Variants in CLOCK observed in about 807,000 individuals in gnomAD.
The protein encoded by CLOCK is clock circadian regulator.
CLOCK carries 43 observed loss-of-function variants against 118.4 expected under a neutral mutation model. The observed-to-expected ratio is 0.36, with a 90% CI of 0.28 to 0.47. The LOEUF is 0.47. Ranked by LOEUF, CLOCK falls within the 20% of genes least tolerant of loss-of-function variation. CLOCK has a pLI of 1.00. For synonymous variants in CLOCK, 326 were observed against 339.2 expected, an observed-to-expected ratio of 0.96 and a Z score of 0.43; for missense variants, 846 against 999.9, an observed-to-expected ratio of 0.85 and a Z score of 2.08.
At chr4:55,438,592 TA>T (rs2109649712) in intron 21 of CLOCK, 55 bp from the exon 22 acceptor site, 2 of 1,610,882 alleles carry the variant, frequency 1.2e-6, no homozygotes, top group Non-Finnish European at 8.5e-7. Context: ...GTATACATCA[TA>T]AAACGCAGTG....
chr4:55,442,261 A>T, intron 21 of CLOCK, 171 bp downstream of exon 21: 1 of 634,470 alleles, frequency 1.6e-6, no homozygotes, highest in Non-Finnish European at 2.7e-6. Context: ...TTAATTATGA[A>T]GTCTTTAAAC....
At chr4:55,511,264 A>C (rs745961466) in intron 1 of CLOCK, among the ~76,000 whole-genome samples, 1 of 147,984 alleles carries the variant, frequency 6.8e-6, no homozygotes, top group Non-Finnish European at 1.5e-5. Flanking sequence ...ACTATCAAGC[A>C]AGTGCTTTCA....
At chr4:55,463,660 T>G (rs779502693) in intron 9 of CLOCK, 25 bp downstream of exon 9, 1 of 1,612,242 alleles carries the variant, frequency 6.2e-7, no homozygotes, top group Non-Finnish European at 8.5e-7. Flanking sequence ...ACATTTGACT[T>G]TTTTGCTTAA....
chr4:55,527,399 C>T (rs1283051939), intron 1 of CLOCK, among the ~76,000 whole-genome samples: 1 of 152,018 alleles, frequency 6.6e-6, no homozygotes, highest in African/African-American at 2.4e-5. Flanking sequence ...GTTTGGGGCA[C>T]ATTTTGCTTT....
chr4:55,429,184 T>C lies in CLOCK; in HGVS notation c.*6231A>G, dbSNP rs1722363741. 6.6e-6 allele frequency: 1 copy of C among 152,196 alleles called. No homozygotes were observed. Among genetic ancestry groups the C allele is most frequent in the South Asian group, 2.1e-4 (1 of 4,830 alleles). 9.4% of individuals were successfully genotyped at this position (152,196 alleles called of 1,614,324 possible). On this transcript the variant is annotated 3_prime_UTR_variant, in exon 23 of 23. Coordinates refer to ENST00000513440, the MANE Select transcript of CLOCK (RefSeq NM_004898.4). ...ATTTGAATGTCATTTTTAAAAGCGA[T>C]GTCACAGTTTGTTTCCTAAGAAATT...
chr4:55,461,339 C>G (rs899107911), intron 9 of CLOCK, among the ~76,000 whole-genome samples: 1 of 152,014 alleles, frequency 6.6e-6, no homozygotes, highest in African/African-American at 2.4e-5. Context: ...AACCAGATGA[C>G]GAAAGTGGCA....
intron 21 of CLOCK, among the ~76,000 whole-genome samples, chr4:55,438,946 C>T (rs1054875560): frequency 5.9e-5 from 9 of 152,044 alleles, no homozygotes; most frequent in Admixed American, 5.9e-4. Context: ...CTGGAATTAG[C>T]AATAATTTCT....
chr4:55,432,570 A>G lies in CLOCK; in HGVS notation c.*2845T>C, dbSNP rs937943618. Reference sequence around the variant, plus strand: ...TTTAACTAACAGCTTTGGCTATAGAAATGAAGAACAGACACTGCTGAATCT... The same window carrying G: ...TTTAACTAACAGCTTTGGCTATAGAGATGAAGAACAGACACTGCTGAATCT... On this transcript the variant is annotated 3_prime_UTR_variant, in exon 23 of 23. Coordinates refer to ENST00000513440, the MANE Select transcript of CLOCK (RefSeq NM_004898.4). The G allele has an allele frequency of 2.1e-5, 3 of 142,338 alleles. No individual in the cohort carries two copies. Among genetic ancestry groups the G allele is most frequent in the African/African-American group, 7.8e-5 (3 of 38,278 alleles). The allele number at this position is 142,338 out of a possible 1,614,324, so 8.8% of individuals were successfully genotyped here.
At chr4:55,478,666 A>G (rs1196246777) in intron 6 of CLOCK, 149 bp downstream of exon 6, 1 of 741,814 alleles carries the variant, frequency 1.3e-6, no homozygotes, top group African/African-American at 1.7e-5. Flanking sequence ...TTGTTGAATG[A>G]AAGAATGAAC....
chr4:55,519,473 G>C (rs889232393), intron 1 of CLOCK, among the ~76,000 whole-genome samples: 1 of 152,152 alleles, frequency 6.6e-6, no homozygotes, highest in Non-Finnish European at 1.5e-5. Flanking sequence ...ATGAGTCATA[G>C]TAGAGGCAGA....
intron 1 of CLOCK, among the ~76,000 whole-genome samples, chr4:55,531,909 A>G (rs1488458904): frequency 6.6e-6 from 1 of 150,714 alleles, no homozygotes; most frequent in East Asian, 1.9e-4. Context: ...GTTAAAAAAA[A>G]CAAAAACAAA....
At position 55,448,601 on chromosome 4, in the gene CLOCK, C is replaced by CGCGT. The variant is rs764071880; in HGVS notation, c.1539+177_1539+178insACGC. Among the ~76,000 whole-genome samples, 691 of 117,002 alleles carry CGCGT rather than the reference C, an allele frequency of 5.9e-3. 3 individuals carry two copies. The highest frequency in any genetic ancestry group is 0.016 in the East Asian group (53 of 3,376). 76.8% of individuals were successfully genotyped at this position (117,002 alleles called of 152,430 possible). A position where few individuals can be genotyped will look rare whatever the true frequency, so the allele number is the denominator to read the frequency against. ...ATATATGTGCGCGCGCGCACGCGCG[C>CGCGT]GTGTGTGTGTGTGTGTGTGTGTGTG... On this transcript the variant is annotated intron_variant, in intron 18 of 22. Transcript: ENST00000513440.
chr4:55,448,677 A>C, intron 18 of CLOCK, 102 bp downstream of exon 18: 1 of 761,606 alleles, frequency 1.3e-6, no homozygotes, highest in Non-Finnish European at 2.2e-6. Flanking sequence ...AGCTGTGGCT[A>C]CAGGTGCTTG....
chr4:55,531,709 A>C (rs1404100358), intron 1 of CLOCK, among the ~76,000 whole-genome samples: 1 of 137,188 alleles, frequency 7.3e-6, no homozygotes, highest in Non-Finnish European at 1.5e-5. Flanking sequence ...GTCTCAAAAA[A>C]AAAAAAAAAA....
chr4:55,448,594 A>G (rs4864991), intron 18 of CLOCK, among the ~76,000 whole-genome samples, 185 bp downstream of exon 18: 4,296 of 81,216 alleles, frequency 0.053, 93 homozygotes, highest in East Asian at 0.21. Flanking sequence ...GCGCGCGCGC[A>G]CGCGCGCGTG....
At chr4:55,512,777 CAT>C (rs765512374) in intron 1 of CLOCK, among the ~76,000 whole-genome samples, 1 of 152,108 alleles carries the variant, frequency 6.6e-6, no homozygotes, top group Non-Finnish European at 1.5e-5. Flanking sequence ...TTTTTTTGCA[CAT>C]AGACAGTTGC....
At chr4:55,515,325 G>C (rs866676838) in intron 1 of CLOCK, among the ~76,000 whole-genome samples, 1 of 152,154 alleles carries the variant, frequency 6.6e-6, no homozygotes, top group African/African-American at 2.4e-5. Context: ...CAAAGAACCA[G>C]CTTTTGGTTT....
rs140592500 is a variant in CLOCK, at chr4:55,461,633, G to A, written c.559+2052C>T. On this transcript the variant is annotated intron_variant, in intron 9 of 22. Transcript: ENST00000513440. ...AGTAGGAAATCTGCAGGTCAGGTGA[G>A]CACAGCCTGAGTTGAGCCACTATGA... 4.3e-3 allele frequency among the ~76,000 whole-genome samples: 651 copies of A among 152,208 alleles called. 2 individuals are homozygous for A. Among genetic ancestry groups the A allele is most frequent in the South Asian group, 9.8e-3 (47 of 4,818 alleles).
chr4:55,448,597 CGCGCGTGTGT>C (rs1201408830), intron 18 of CLOCK, among the ~76,000 whole-genome samples, 172 bp downstream of exon 18: 36 of 72,930 alleles, frequency 4.9e-4, no homozygotes, highest in Admixed American at 1.6e-3. Context: ...CGCGCGCACG[CGCGCGTGTGT>C]GTGTGTGTGT....
Sources: allele counts gnomAD v4.1 joint callset (sites outside exome capture counted in the v4.1 genomes callset), GRCh38; gene constraint gnomAD v4.1.1; transcripts MANE v1.5; gene names NCBI Gene and HGNC (gene_info 2026-07-23, HGNC 2026-07-21).